The following MSRA variants were observed in gnomAD, a reference collection of about 807,000 sequenced individuals.
The protein encoded by MSRA is mitochondrial peptide methionine sulfoxide reductase.
A neutral mutation model predicts 31.3 loss-of-function variants in MSRA; 54 were observed. The ratio of observed to expected loss-of-function variants is 1.73; its 90% CI spans 1.39 to 2.17. The LOEUF (loss-of-function observed/expected upper bound fraction) is 2.17. Ranked by LOEUF, MSRA falls within the 30% of genes most tolerant of loss-of-function variation. The pLI, the probability that MSRA is intolerant of heterozygous loss-of-function variation, is 0.00. For synonymous variants in MSRA, 169 were observed against 116.5 expected, an observed-to-expected ratio of 1.45 and a Z score of -2.90; for missense variants, 507 against 300.9, an observed-to-expected ratio of 1.69 and a Z score of -5.07.
chr8:10,074,098 T>TTTTTTA (rs1797875644), intron 1 of MSRA, among the ~76,000 whole-genome samples: 1 of 84,640 alleles, frequency 1.2e-5, no homozygotes, highest in African/African-American at 4.3e-5. Flanking sequence ...TTTTTTTTTT[T>TTTTTTA]ATTAAATGGA....
intron 5 of MSRA, among the ~76,000 whole-genome samples, chr8:10,418,194 A>T (rs1299384009): frequency 6.6e-6 from 1 of 152,230 alleles, no homozygotes; most frequent in Non-Finnish European, 1.5e-5. Context: ...TTAAGGCTAA[A>T]TTCCTTTGGT....
In MSRA at chr8:10,245,087, C is replaced by G. The variant is rs781436601; in HGVS notation, c.212-17C>G. 2.2e-5 allele frequency: 34 copies of G among 1,567,146 alleles called. No homozygotes were observed. The Middle Eastern group carries it at 6.8e-4, about 31-fold the overall frequency. Reference sequence around the variant, plus strand: ...TGAATAATCAGTATCCTTTTTTTTTCTTTTTTCTTTTTTAAGGAATGGGAT... The same window carrying G: ...TGAATAATCAGTATCCTTTTTTTTTGTTTTTTCTTTTTTAAGGAATGGGAT... On this transcript the variant is annotated splice_polypyrimidine_tract_variant and intron_variant, in intron 2 of 5. Transcript: ENST00000317173.
intron 5 of MSRA, among the ~76,000 whole-genome samples, chr8:10,342,354 C>A (rs969849292): frequency 1.3e-5 from 2 of 152,220 alleles, no homozygotes; most frequent in Non-Finnish European, 2.9e-5. Flanking sequence ...TTCATTCCAT[C>A]AGCCATCGAG....
intron 1 of MSRA, among the ~76,000 whole-genome samples, chr8:10,056,609 G>C (rs1462633599): frequency 1.3e-5 from 2 of 150,570 alleles, no homozygotes; most frequent in East Asian, 3.9e-4. Context: ...TCCACAAAAA[G>C]TGTGTGAAAT....
chr8:10,211,136 T>C (rs903193257), intron 2 of MSRA, among the ~76,000 whole-genome samples: 1 of 152,182 alleles, frequency 6.6e-6, no homozygotes, highest in Non-Finnish European at 1.5e-5. Context: ...CAGATGACCA[T>C]TGAACTTCCA....
chr8:10,349,578 G>A (rs1803996281), intron 5 of MSRA, among the ~76,000 whole-genome samples: 1 of 152,204 alleles, frequency 6.6e-6, no homozygotes, highest in South Asian at 2.1e-4. Context: ...ACAGGTCTCT[G>A]TTCCCCTCTG....
intron 5 of MSRA, among the ~76,000 whole-genome samples, chr8:10,375,909 C>T (rs996545928): frequency 5.3e-5 from 8 of 152,184 alleles, no homozygotes; most frequent in African/African-American, 1.2e-4. Context: ...TAGGTCAATA[C>T]GATCAGTGCT....
intron 2 of MSRA, among the ~76,000 whole-genome samples, chr8:10,239,761 A>T (rs2975722): frequency 3.3e-5 from 5 of 152,096 alleles, no homozygotes; most frequent in Non-Finnish European, 7.3e-5. Context: ...AAAGTCTCCC[A>T]ATGGGTCCCT....
intron 2 of MSRA, among the ~76,000 whole-genome samples, chr8:10,214,134 C>A (rs1324496747): frequency 1.3e-5 from 2 of 152,040 alleles, no homozygotes; most frequent in Non-Finnish European, 2.9e-5. Flanking sequence ...AAAGCCAAGC[C>A]GAGGACTTAG....
At chr8:10,236,328 A>C (rs1811935745) in intron 2 of MSRA, among the ~76,000 whole-genome samples, 1 of 152,212 alleles carries the variant, frequency 6.6e-6, no homozygotes, top group Non-Finnish European at 1.5e-5. Context: ...ATTTGTACAG[A>C]ATATAACTTT....
chr8:10,164,176 A>G (rs1804918463), intron 1 of MSRA, among the ~76,000 whole-genome samples: 1 of 152,218 alleles, frequency 6.6e-6, no homozygotes, highest in African/African-American at 2.4e-5. Flanking sequence ...GAAAAGTCTA[A>G]GGTGTTAGCA....
chr8:10,235,132 A>G (rs1481822180), intron 2 of MSRA, among the ~76,000 whole-genome samples: 1 of 152,176 alleles, frequency 6.6e-6, no homozygotes, highest in African/African-American at 2.4e-5. Context: ...ATGCTTTTCA[A>G]GCACACATAG....
chr8:10,377,414 A>G (rs1280002650), intron 5 of MSRA, among the ~76,000 whole-genome samples: 4 of 152,244 alleles, frequency 2.6e-5, no homozygotes, highest in Non-Finnish European at 5.9e-5. Context: ...CCATTAGCAG[A>G]TAAGCCAAAG....
At chr8:10,083,036 G>C (rs1017857620) in intron 1 of MSRA, among the ~76,000 whole-genome samples, 2 of 152,128 alleles carry the variant, frequency 1.3e-5, no homozygotes, top group South Asian at 2.1e-4. Flanking sequence ...ACTGACTGGG[G>C]GTGCATTTAT....
chr8:10,195,901 T>C (rs1807928406), intron 1 of MSRA, among the ~76,000 whole-genome samples: 1 of 152,226 alleles, frequency 6.6e-6, no homozygotes, highest in Non-Finnish European at 1.5e-5. Flanking sequence ...GCCCTGACCT[T>C]ACCCTGCAGC....
intron 1 of MSRA, among the ~76,000 whole-genome samples, chr8:10,186,396 C>G (rs185015127): frequency 2.6e-5 from 4 of 152,172 alleles, no homozygotes; most frequent in Admixed American, 1.3e-4. Flanking sequence ...TGGCTGTGTT[C>G]CCATTAAATT....
chr8:10,153,818 G>A lies in MSRA; in HGVS notation c.143-54015G>A, dbSNP rs187418756. ...ATTCTAGAGCTAGAACATGCAGTTG[G>A]TTTTCAAATCTCATATTCTTAATTT... On this transcript the variant is annotated intron_variant, in intron 1 of 5. Coordinates refer to ENST00000317173, the MANE Select transcript of MSRA (RefSeq NM_012331.5). 8.7e-4 allele frequency among the ~76,000 whole-genome samples: 133 copies of A among 152,302 alleles called. No homozygotes were observed. In the Middle Eastern group the frequency reaches 0.014, roughly 16 times the overall value.
chr8:10,166,237 G>C (rs1292008062), intron 1 of MSRA, among the ~76,000 whole-genome samples: 1 of 152,184 alleles, frequency 6.6e-6, no homozygotes, highest in South Asian at 2.1e-4. Context: ...TGGTTTCTCA[G>C]GTAGCAGGGG....
At chr8:10,326,880 G>A (rs796631629) in intron 5 of MSRA, among the ~76,000 whole-genome samples, 30 of 152,256 alleles carry the variant, frequency 2.0e-4, no homozygotes, top group African/African-American at 7.0e-4. Flanking sequence ...GAGTGAGGGT[G>A]GTTCACGTGT....
Sources: allele counts gnomAD v4.1 joint callset (sites outside exome capture counted in the v4.1 genomes callset), GRCh38; gene constraint gnomAD v4.1.1; transcripts MANE v1.5; gene names NCBI Gene and HGNC (gene_info 2026-07-23, HGNC 2026-07-21).